GDA: variants seen among roughly 807,000 people sequenced by gnomAD.
GDA encodes guanine deaminase, also known as cytoplasmic PSD-95 interactor.
In GDA, 18 loss-of-function variants were observed where a neutral mutation model predicts 59.6. That is an observed-to-expected ratio of 0.30 (90% CI 0.21 to 0.45). The LOEUF (loss-of-function observed/expected upper bound fraction) is 0.45. Ranked by LOEUF, GDA falls within the 20% of genes least tolerant of loss-of-function variation. The pLI is 1.00. For synonymous variants in GDA, 201 were observed against 201.1 expected, an observed-to-expected ratio of 1.00 and a Z score of 0.00; for missense variants, 427 against 552.3, an observed-to-expected ratio of 0.77 and a Z score of 2.27.
intron 2 of GDA, among the ~76,000 whole-genome samples, chr9:72,200,213 G>A (rs369499899): frequency 2.6e-5 from 4 of 151,942 alleles, no homozygotes; most frequent in Non-Finnish European, 5.9e-5. Flanking sequence ...AGCCAGGATG[G>A]TCTCGATCTC....
chr9:72,211,235 T>C (rs1282509767), intron 4 of GDA, among the ~76,000 whole-genome samples: 2 of 152,192 alleles, frequency 1.3e-5, no homozygotes, highest in African/African-American at 2.4e-5. Context: ...CCAGACAGAA[T>C]ACCTACACCA....
At chr9:72,246,600 A>G (rs374219709) in intron 12 of GDA, among the ~76,000 whole-genome samples, 6 of 152,260 alleles carry the variant, frequency 3.9e-5, no homozygotes, top group African/African-American at 1.2e-4. Flanking sequence ...TCCAGTGGTA[A>G]TAAGCTAGAG....
intron 1 of GDA, among the ~76,000 whole-genome samples, chr9:72,161,284 G>T (rs1564178008): frequency 2.0e-5 from 3 of 152,178 alleles, no homozygotes; most frequent in Admixed American, 1.3e-4. Flanking sequence ...TGAGCTTGAA[G>T]GCAGGTTCAC....
chr9:72,143,722 C>A (rs1587332273), intron 1 of GDA, among the ~76,000 whole-genome samples: 1 of 152,140 alleles, frequency 6.6e-6, no homozygotes. Flanking sequence ...GAAGAGGTAG[C>A]TTTCCTCTTC....
At chr9:72,223,280 G>A (rs1837135623) in intron 7 of GDA, 53 bp downstream of exon 7, 1 of 939,868 alleles carries the variant, frequency 1.1e-6, no homozygotes, top group Non-Finnish European at 1.7e-6. Flanking sequence ...AGATTTCTCA[G>A]CACCCTTAAA....
intron 7 of GDA, 113 bp from the exon 8 acceptor site, chr9:72,225,564 G>A: frequency 1.6e-6 from 1 of 626,868 alleles, no homozygotes; most frequent in Non-Finnish European, 2.9e-6. Context: ...GCCTTTCTAT[G>A]TGGTCCCTTA....
intron 1 of GDA, among the ~76,000 whole-genome samples, chr9:72,174,452 T>G (rs1830326150): frequency 6.6e-6 from 1 of 152,192 alleles, no homozygotes; most frequent in Non-Finnish European, 1.5e-5. Flanking sequence ...TCCTACTTTA[T>G]GGATGAGATA....
chr9:72,162,660 AT>A (rs112825046), intron 1 of GDA, among the ~76,000 whole-genome samples: 7,141 of 145,326 alleles, frequency 0.049, 538 homozygotes, highest in African/African-American at 0.16. Flanking sequence ...CAGATTTACA[AT>A]TTTTTTTTTT....
At chr9:72,117,586 A>G (rs1439352857) in intron 1 of GDA, among the ~76,000 whole-genome samples, 3 of 152,188 alleles carry the variant, frequency 2.0e-5, no homozygotes, top group African/African-American at 7.2e-5. Flanking sequence ...CCAGTGTTTA[A>G]CAACATAAGA....
intron 4 of GDA, 34 bp from the exon 5 acceptor site, chr9:72,213,852 A>G (rs904297190): frequency 8.7e-6 from 10 of 1,153,714 alleles, no homozygotes; most frequent in Non-Finnish European, 1.2e-5. Flanking sequence ...AGAAACAAAC[A>G]TGCCTTCATA....
Position 72,249,047 on chromosome 9 carries a change from G to A in GDA, c.*705G>A, listed in dbSNP as rs1177590109. On this transcript the variant is annotated 3_prime_UTR_variant, in exon 14 of 14. Transcript: ENST00000358399. ...CTTCAAAGTGTTTGACAGAAGTTGG[G>A]TATTAAAGATTTAAAGTCTCTTAGG... 1.2e-5 allele frequency: 12 copies of A among 984,484 alleles called. No individual in the cohort carries two copies. The highest frequency in any genetic ancestry group is 1.7e-5 in the African/African-American group (1 of 57,164). 61.0% of individuals were successfully genotyped at this position (984,484 alleles called of 1,614,324 possible).
Position 72,192,080 on chromosome 9 carries a change from C to T in GDA, c.124-3420C>T, listed in dbSNP as rs764612015. On this transcript the variant is annotated intron_variant, in intron 1 of 13. Transcript: ENST00000358399. The stretch of plus-strand genomic sequence containing the variant: ...TTATTATCCCTTTGAATAAACTTTC[C>T]ATCCCTATCTCTTTTCCTACCTCCT... 1.3e-4 allele frequency among the ~76,000 whole-genome samples: 19 copies of T among 151,996 alleles called. 1 individual carries two copies. Among genetic ancestry groups the T allele is most frequent in the Middle Eastern group, 6.8e-3 (2 of 294 alleles).
upstream of GDA, among the ~76,000 whole-genome samples, chr9:72,146,062 C>G (rs1826618448): frequency 6.7e-6 from 1 of 149,336 alleles, no homozygotes; most frequent in African/African-American, 2.5e-5. Flanking sequence ...AATTACAGCA[C>G]ACCCACAAAC....
intron 5 of GDA, among the ~76,000 whole-genome samples, chr9:72,216,345 A>G (rs1836105802): frequency 1.3e-5 from 2 of 152,202 alleles, no homozygotes; most frequent in Non-Finnish European, 2.9e-5. Flanking sequence ...AGTTATTCTG[A>G]TAACTACAAG....
chr9:72,128,010 A>G (rs940499052), intron 1 of GDA, among the ~76,000 whole-genome samples: 2 of 152,146 alleles, frequency 1.3e-5, no homozygotes, highest in African/African-American at 4.8e-5. Flanking sequence ...TACCTTAATC[A>G]CCTATTTTGC....
chr9:72,167,993 G>A (rs991881521), intron 1 of GDA, among the ~76,000 whole-genome samples: 2 of 152,148 alleles, frequency 1.3e-5, no homozygotes, highest in African/African-American at 2.4e-5. Flanking sequence ...GCAGGGATTA[G>A]GTCTTACTCA....
intron 1 of GDA, among the ~76,000 whole-genome samples, chr9:72,170,807 T>G (rs1829872508): frequency 7.4e-6 from 1 of 134,992 alleles, no homozygotes; most frequent in Non-Finnish European, 1.7e-5. Flanking sequence ...GTGAGGCCAA[T>G]GAATTACTAT....
At chr9:72,238,703 C>T (rs1378789267) in intron 10 of GDA, among the ~76,000 whole-genome samples, 3 of 152,092 alleles carry the variant, frequency 2.0e-5, no homozygotes, top group Middle Eastern at 3.2e-3. Context: ...TTGGCTCTGA[C>T]GAGCAAGTAA....
chr9:72,247,849 T>C (rs1049683899), intron 13 of GDA, among the ~76,000 whole-genome samples: 2 of 152,158 alleles, frequency 1.3e-5, no homozygotes, highest in East Asian at 3.9e-4. Flanking sequence ...TGCAGAATAT[T>C]CTACACTGCC....
Sources: gnomAD v4.1 joint callset for allele counts (sites outside exome capture counted in the v4.1 genomes callset) on GRCh38, gnomAD v4.1.1 for gene constraint, MANE v1.5 for transcripts, NCBI Gene and HGNC (gene_info 2026-07-23, HGNC 2026-07-21) for gene names.